SEMA6D: variants seen among roughly 807,000 people sequenced by gnomAD.
SEMA6D encodes the protein semaphorin-6D.
Under a neutral mutation model 106.6 loss-of-function variants are expected in SEMA6D, and 35 were observed. The ratio of observed to expected loss-of-function variants is 0.33; its 90% confidence interval spans 0.25 to 0.44. The LOEUF is 0.44. Ranked by LOEUF, SEMA6D falls within the 20% of genes least tolerant of loss-of-function variation. The pLI, the probability that SEMA6D is intolerant of heterozygous loss-of-function variation, is 1.00. For missense variants in SEMA6D, 1,185 were observed against 1,345.9 expected (o/e 0.88, Z 1.87); for synonymous variants, 499 against 487.7 (o/e 1.02, Z -0.31).
chr15:47,680,328 A>G (rs2078328177), intron 4 of SEMA6D, among the ~76,000 whole-genome samples: 3 of 152,176 alleles, frequency 2.0e-5, no homozygotes, highest in East Asian at 1.9e-4. Flanking sequence ...GATATACTTT[A>G]TGCTTAACTG....
At chr15:47,216,382 T>G (rs2030604455) in intron 1 of SEMA6D, among the ~76,000 whole-genome samples, 1 of 152,180 alleles carries the variant, frequency 6.6e-6, no homozygotes, top group Non-Finnish European at 1.5e-5. Flanking sequence ...TGGTAGTATA[T>G]TTAAAGCCGT....
rs182370267 is a variant in SEMA6D, at chr15:47,554,691, G to A, written c.-86-46174G>A. 8.0e-4 allele frequency among the ~76,000 whole-genome samples: 122 copies of A among 152,308 alleles called. 1 individual carries two copies. Among genetic ancestry groups the A allele is most frequent in the African/African-American group, 2.6e-3 (108 of 41,570 alleles). On this transcript the variant is annotated intron_variant, in intron 3 of 19. Transcript: ENST00000558014. ...AGATAATGAACAATGATGTTACATG[G>A]AGGGCACACAGACCCTTTAGTTCTC...
In SEMA6D at chr15:47,258,679, CCACCA is replaced by C. The variant is rs1566956408; in HGVS notation, c.-239+74262_-239+74266del. Among the ~76,000 whole-genome samples the C allele has an allele frequency of 5.9e-5, 9 of 152,102 alleles. 1 individual carries two copies. Among genetic ancestry groups the C allele is most frequent in the Admixed American group, 5.2e-4 (8 of 15,262 alleles). On this transcript the variant is annotated intron_variant, in intron 1 of 19. Coordinates refer to the SEMA6D transcript ENST00000558014. ...GCCTTTGGACTCAGACTGAACTGTG[CCACCA>C]AGTTTTCCTTGCCTTCCAGCTTGCA...
At chr15:47,546,202 GT>G (rs1341485386) in intron 3 of SEMA6D, among the ~76,000 whole-genome samples, 5 of 152,134 alleles carry the variant, frequency 3.3e-5, no homozygotes, top group African/African-American at 7.2e-5. Flanking sequence ...GAGGTGCAAA[GT>G]AGTGTGAGGC....
At chr15:47,696,642 C>T (rs1197282437) in intron 4 of SEMA6D, among the ~76,000 whole-genome samples, 2 of 152,138 alleles carry the variant, frequency 1.3e-5, no homozygotes, top group African/African-American at 2.4e-5. Flanking sequence ...CACCCAAATC[C>T]TGCCATGGGG....
At chr15:47,259,559 T>TC (rs1281787532) in intron 1 of SEMA6D, among the ~76,000 whole-genome samples, 29 of 152,234 alleles carry the variant, frequency 1.9e-4, no homozygotes, top group Admixed American at 1.9e-3. Context: ...CAAATGGTTT[T>TC]CCCCCAATAG....
At chr15:47,238,781 A>G (rs945303815) in intron 1 of SEMA6D, among the ~76,000 whole-genome samples, 1 of 152,152 alleles carries the variant, frequency 6.6e-6, no homozygotes, top group African/African-American at 2.4e-5. Flanking sequence ...AGCCTGCCTC[A>G]GAGTGGCCGA....
chr15:47,452,264 T>C (rs1330346606), intron 2 of SEMA6D, among the ~76,000 whole-genome samples: 2 of 151,052 alleles, frequency 1.3e-5, no homozygotes, highest in Admixed American at 1.3e-4. Context: ...TTCAGTCTTA[T>C]AGAAACCTAT....
At chr15:47,617,234 A>C (rs182000507) in intron 4 of SEMA6D, among the ~76,000 whole-genome samples, 1 of 152,184 alleles carries the variant, frequency 6.6e-6, no homozygotes, top group Non-Finnish European at 1.5e-5. Context: ...GGAATTCATC[A>C]TCTTTCAGAC....
Position 47,453,567 on chromosome 15 carries a change from C to T in SEMA6D, c.-158-16907C>T, listed in dbSNP as rs1041326412. 4.6e-5 allele frequency among the ~76,000 whole-genome samples: 7 copies of T among 151,970 alleles called. 1 individual carries two copies. Among genetic ancestry groups the T allele is most frequent in the Middle Eastern group, 6.8e-3 (2 of 294 alleles). On this transcript the variant is annotated intron_variant, in intron 2 of 19. Transcript: ENST00000558014. Reference sequence around the variant, plus strand: ...TGTTACTTAGGGTCTATCTGTATTTCGAGGTCAGGGAAGAGTCCAAATTTA... The same window carrying T: ...TGTTACTTAGGGTCTATCTGTATTTTGAGGTCAGGGAAGAGTCCAAATTTA...
At chr15:47,333,635 G>A (rs904656227) in intron 1 of SEMA6D, among the ~76,000 whole-genome samples, 3 of 152,192 alleles carry the variant, frequency 2.0e-5, no homozygotes, top group Admixed American at 6.5e-5. Context: ...AGCAAAGATT[G>A]ATTTAGTACC....
At chr15:47,578,954 T>G (rs1188961189) in intron 3 of SEMA6D, among the ~76,000 whole-genome samples, 1 of 152,188 alleles carries the variant, frequency 6.6e-6, no homozygotes, top group East Asian at 1.9e-4. Flanking sequence ...CTTGCATATG[T>G]GGACCCCATT....
At chr15:47,456,987 A>T (rs1275460652) in intron 2 of SEMA6D, among the ~76,000 whole-genome samples, 4 of 152,048 alleles carry the variant, frequency 2.6e-5, no homozygotes, top group Non-Finnish European at 5.9e-5. Flanking sequence ...CTTGAGAAAG[A>T]ACCAATAAAG....
intron 1 of SEMA6D, among the ~76,000 whole-genome samples, chr15:47,297,353 T>G (rs1160757336): frequency 6.6e-6 from 1 of 152,206 alleles, no homozygotes; most frequent in Non-Finnish European, 1.5e-5. Context: ...CTTAAGCCAC[T>G]GTTAGCAGGT....
intron 4 of SEMA6D, among the ~76,000 whole-genome samples, chr15:47,633,509 C>T (rs1228367905): frequency 6.6e-6 from 1 of 152,106 alleles, no homozygotes; most frequent in Non-Finnish European, 1.5e-5. Flanking sequence ...TTAGTATTCC[C>T]CATGAGTTAT....
chr15:47,324,399 G>A (rs2037043587), intron 1 of SEMA6D, among the ~76,000 whole-genome samples: 1 of 151,958 alleles, frequency 6.6e-6, no homozygotes, highest in Non-Finnish European at 1.5e-5. Context: ...CTTTTAAGAT[G>A]CCATGTCAGA....
At position 47,496,074 on chromosome 15, in the gene SEMA6D, C is replaced by T. The variant is rs576693291; in HGVS notation, c.-87+25529C>T. ...AGAGTATAACAAAACACTAGGGACT[C>T]ACCTTCATTTTTTCCATTAAACTTC... On this transcript the variant is annotated intron_variant, in intron 3 of 19. Transcript: ENST00000558014. Among the ~76,000 whole-genome samples, 23 of 152,194 alleles carry T rather than the reference C, an allele frequency of 1.5e-4. No individual in the cohort carries two copies. In the South Asian group the frequency reaches 4.8e-3, roughly 32 times the overall value.
In SEMA6D at chr15:47,765,045, C is replaced by T; in HGVS notation, c.1416C>T (p.Tyr472=). The T allele has an allele frequency of 6.2e-7, 1 of 1,613,792 alleles. No homozygotes were observed. The highest frequency in any genetic ancestry group is 1.1e-5 in the South Asian group (1 of 91,074). ...TATTACTGGAAGAGATTGAAGCCTA[C>T]AACCATGCAAAGTAGGTATATGTTA... ...DSVLLEEIEA[Y]NHAKCSAENE... Residue 472 remains tyrosine, a synonymous_variant, in exon 13 of 19, where the codon TAC becomes TAT. Transcript: ENST00000536845.
chr15:47,628,763 T>A (rs913670539), intron 4 of SEMA6D, among the ~76,000 whole-genome samples: 43 of 152,118 alleles, frequency 2.8e-4, no homozygotes, highest in Admixed American at 1.6e-3. Flanking sequence ...AAGAGGTCTT[T>A]TCTTCTTTCA....
Sources: allele counts gnomAD v4.1 joint callset (sites outside exome capture counted in the v4.1 genomes callset), GRCh38; gene constraint gnomAD v4.1.1; transcripts MANE v1.5; gene names NCBI Gene and HGNC (gene_info 2026-07-23, HGNC 2026-07-21).